BTN1A1: variants seen among roughly 807,000 people sequenced by gnomAD.
BTN1A1 encodes the protein butyrophilin subfamily 1 member A1.
In BTN1A1, 26 loss-of-function variants were observed where a neutral mutation model predicts 33.1. That is an observed-to-expected ratio of 0.79 (90% CI 0.58 to 1.09). The LOEUF is 1.09. Ranked by LOEUF, BTN1A1 falls within the 50% of genes least tolerant of loss-of-function variation. The pLI is 0.00. For missense variants in BTN1A1, 558 were observed against 655.7 expected, an observed-to-expected ratio of 0.85 and a Z score of 1.63; for synonymous variants, 235 against 256.2, an observed-to-expected ratio of 0.92 and a Z score of 0.79.
intron 6 of BTN1A1, 38 bp downstream of exon 6, chr6:26,508,008 TTC>T (rs759543418): frequency 6.2e-7 from 1 of 1,613,414 alleles, no homozygotes; most frequent in South Asian, 1.1e-5. Flanking sequence ...CCACAGAGTT[TTC>T]TCTCTCTTAT....
chr6:26,505,500 C>T (rs547201203), intron 4 of BTN1A1, among the ~76,000 whole-genome samples: 2 of 152,348 alleles, frequency 1.3e-5, no homozygotes, highest in East Asian at 1.9e-4. Flanking sequence ...TCTCAGCTCA[C>T]TGCAAGCTCC....
intron 7 of BTN1A1, 45 bp downstream of exon 7, chr6:26,508,132 T>G: frequency 6.4e-7 from 1 of 1,560,758 alleles, no homozygotes; most frequent in Non-Finnish European, 8.7e-7. Flanking sequence ...CTCTATCCCC[T>G]AGGAATTCAA....
At position 26,503,713 on chromosome 6, in the gene BTN1A1, C is replaced by T. The variant is rs552508449; in HGVS notation, c.428-1212C>T. Among the ~76,000 whole-genome samples the T allele has an allele frequency of 2.3e-3, 351 of 150,398 alleles. 2 individuals are homozygous for T. Among genetic ancestry groups the T allele is most frequent in the African/African-American group, 8.2e-3 (336 of 40,994 alleles). On this transcript the variant is annotated intron_variant, in intron 3 of 7. Coordinates refer to ENST00000684113, the MANE Select transcript of BTN1A1 (RefSeq NM_001732.3). ...AAGTAAATATAAAGTTTGAAAAATA[C>T]TTGGGTGAAATGTGGGTCCCTGCTT...
chr6:26,502,444 G>A (rs765607268), intron 3 of BTN1A1, among the ~76,000 whole-genome samples: 13 of 152,226 alleles, frequency 8.5e-5, no homozygotes, highest in Non-Finnish European at 1.3e-4. Flanking sequence ...CCCCTGATTA[G>A]GACTCCACAG....
chr6:26,506,884 G>A (rs1763878107), intron 5 of BTN1A1, 52 bp downstream of exon 5: 2 of 1,595,146 alleles, frequency 1.3e-6, no homozygotes, highest in Non-Finnish European at 1.7e-6. Flanking sequence ...TCAGAGGCAG[G>A]CTGGATCCAA....
intron 3 of BTN1A1, 124 bp downstream of exon 3, chr6:26,502,061 G>A (rs1252826790): frequency 4.5e-6 from 6 of 1,338,656 alleles, no homozygotes; most frequent in Non-Finnish European, 4.8e-6. Context: ...TGTCGCCGGG[G>A]AGGGACGACT....
In BTN1A1 at chr6:26,506,850, C is replaced by T; in HGVS notation, c.859+18C>T. ...CTCTAAAGGTAAACCATAGAATCCA[C>T]AAGGGCTACGTGTCAGGAGTGCTTC... On this transcript the variant is annotated intron_variant, in intron 5 of 7. Transcript: ENST00000684113. 1.9e-6 allele frequency: 3 copies of T among 1,613,470 alleles called. No homozygotes were observed. The highest frequency in any genetic ancestry group is 2.5e-6 in the Non-Finnish European group (3 of 1,179,604).
intron 5 of BTN1A1, 43 bp downstream of exon 5, chr6:26,506,875 C>A: frequency 6.2e-7 from 1 of 1,604,076 alleles, no homozygotes; most frequent in Non-Finnish European, 8.5e-7. Context: ...AGGAGTGCTT[C>A]AGAGGCAGGC....
intron 5 of BTN1A1, among the ~76,000 whole-genome samples, chr6:26,507,055 G>T (rs537832555): frequency 1.1e-4 from 16 of 151,996 alleles, no homozygotes; most frequent in Admixed American, 4.6e-4. Context: ...ACTCCATCTC[G>T]ACTAAAAATA....
rs374538881 is a variant in BTN1A1 at position 26,503,250 on chromosome 6, A to G, written c.427+1313A>G. Among the ~76,000 whole-genome samples, 171 of 152,194 alleles carry G rather than the reference A, an allele frequency of 1.1e-3. 5 individuals carry two copies. In the South Asian group the frequency reaches 0.031, roughly 28 times the overall value. On this transcript the variant is annotated intron_variant, in intron 3 of 7. Coordinates refer to ENST00000684113, the MANE Select transcript of BTN1A1 (RefSeq NM_001732.3). The stretch of plus-strand genomic sequence containing the variant: ...TGTAATCCCAGCATTTTGGGAGGCC[A>G]AGGCGGGTGACTCACTTTTGATCAG...
Position 26,505,094 on chromosome 6 carries a change from G to T in BTN1A1, c.597G>T (p.Leu199Phe), listed in dbSNP as rs1210993485. The change falls in exon 4 of 8, where the codon TTG becomes TTT. Residue 199 changes from leucine (L) to phenylalanine (F), a missense_variant. Physicochemically the swap from Leu to Phe is conservative, Grantham distance 22. Transcript: ENST00000684113. Reference sequence around the variant, plus strand: ...CCAGGAATCCTGATGAAGAAGGTTTGTTCACTGTGGCTGCTTCAGTGATCA... The same window carrying T: ...CCAGGAATCCTGATGAAGAAGGTTTTTTCACTGTGGCTGCTTCAGTGATCA... Reference protein sequence around the residue: ...SESRNPDEEGLFTVAASVIIR... With the variant: ...SESRNPDEEGFFTVAASVIIR... 1 of 1,614,120 alleles carries T rather than the reference G, an allele frequency of 6.2e-7. No individual in the cohort carries two copies. The highest frequency in any genetic ancestry group is 1.7e-5 in the Admixed American group (1 of 60,008).
Position 26,504,994 on chromosome 6 carries a change from C to T in BTN1A1, c.497C>T (p.Ser166Leu), listed in dbSNP as rs756518488. 2.5e-6 allele frequency: 4 copies of T among 1,614,014 alleles called. No homozygotes were observed. Among genetic ancestry groups the T allele is most frequent in the Non-Finnish European group, 2.5e-6 (3 of 1,179,994 alleles). Residue 166 changes from serine to leucine, a missense_variant, in exon 4 of 8, where the codon TCA becomes TTA. Physicochemically the swap from Ser to Leu is moderately radical, Grantham distance 145. Transcript: ENST00000684113. Reference sequence around the variant, plus strand: ...GGAGAAATCTGTCTGGAGTGCACCTCAGTGGGATGGTACCCAGAGCCCCAG... The same window carrying T: ...GGAGAAATCTGTCTGGAGTGCACCTTAGTGGGATGGTACCCAGAGCCCCAG... ...ENGEICLECTSVGWYPEPQVQ... is the reference protein window; with the variant it reads ...ENGEICLECTLVGWYPEPQVQ...
rs368745807 is a variant in BTN1A1 at position 26,501,394 on chromosome 6, T to C, written c.79+29T>C. ...AGTCTCTCTCTCTCTCTGGGCTGCA[T>C]AGTTGAAATATATCAATAAATGTAA... On this transcript the variant is annotated intron_variant, in intron 2 of 7. Transcript: ENST00000684113. The surrounding 1 kb of genome is among the most constrained non-coding windows in gnomAD (Gnocchi z 5.2). 4 of 1,597,700 alleles carry C rather than the reference T, an allele frequency of 2.5e-6. No homozygotes were observed. The highest frequency in any genetic ancestry group is 1.1e-5 in the South Asian group (1 of 90,742).
chr6:26,508,855 G>A lies in BTN1A1; in HGVS notation c.1262G>A (p.Arg421Gln), dbSNP rs369973508. Residue 421 changes from arginine (R) to glutamine (Q), a missense_variant, in exon 8 of 8, where the codon CGG becomes CAG. By Grantham distance (43) the Arg-to-Gln change is conservative. Coordinates refer to ENST00000684113, the MANE Select transcript of BTN1A1 (RefSeq NM_001732.3). ...TPLPLAGPPRRVGIFLDYESG... is the reference protein window; with the variant it reads ...TPLPLAGPPRQVGIFLDYESG... ...CTCCCATTGGCAGGGCCCCCACGCC[G>A]GGTTGGGATTTTCCTAGACTATGAA... The A allele has an allele frequency of 6.1e-5, 99 of 1,614,146 alleles. No individual in the cohort carries two copies. The highest frequency in any genetic ancestry group is 4.5e-4 in the East Asian group (20 of 44,878).
At chr6:26,503,653 A>G (rs531823670) in intron 3 of BTN1A1, among the ~76,000 whole-genome samples, 32 of 148,708 alleles carry the variant, frequency 2.2e-4, no homozygotes, top group South Asian at 1.3e-3. Flanking sequence ...ATCTATATGC[A>G]TATATTATAT....
rs558567774 is a variant in BTN1A1 at position 26,510,358 on chromosome 6, C to T, written c.*1184C>T. ...TTATACCTTCCATTTCCATCGTATT[C>T]TCCAGTTTCCAGGATAGACGTTGCT... On this transcript the variant is annotated 3_prime_UTR_variant, in exon 8 of 8. Coordinates refer to ENST00000684113, the MANE Select transcript of BTN1A1 (RefSeq NM_001732.3). The T allele has an allele frequency of 6.6e-6, 1 of 152,380 alleles. No individual in the cohort carries two copies. The allele number at this position is 152,380 out of a possible 1,614,324, so 9.4% of individuals were successfully genotyped here.
chr6:26,504,390 C>G (rs1763843681), intron 3 of BTN1A1, among the ~76,000 whole-genome samples: 2 of 151,974 alleles, frequency 1.3e-5, no homozygotes, highest in South Asian at 4.1e-4. Context: ...GCCCACCAAA[C>G]TGCTGCAAAC....
At chr6:26,507,187 C>T (rs1763881913) in intron 5 of BTN1A1, among the ~76,000 whole-genome samples, 1 of 152,110 alleles carries the variant, frequency 6.6e-6, no homozygotes, top group Non-Finnish European at 1.5e-5. Context: ...TGCCATTGCA[C>T]TCTAGCCTGA....
Position 26,509,507 on chromosome 6 carries a change from T to C in BTN1A1, c.*333T>C, listed in dbSNP as rs7745700. On this transcript the variant is annotated 3_prime_UTR_variant, in exon 8 of 8. Transcript: ENST00000684113. The stretch of plus-strand genomic sequence containing the variant: ...GGGTCAGGTTAGCATGGGGTTGTGG[T>C]TGAAATATCTTGGTATCCAGGATAA... 2.8e-5 allele frequency: 6 copies of C among 213,612 alleles called. No homozygotes were observed. The highest frequency in any genetic ancestry group is 3.7e-5 in the Non-Finnish European group (4 of 108,178). 13.2% of individuals were successfully genotyped at this position (213,612 alleles called of 1,614,324 possible).
Sources: allele counts gnomAD v4.1 joint callset (sites outside exome capture counted in the v4.1 genomes callset), GRCh38; gene constraint gnomAD v4.1.1; non-coding constraint Gnocchi (gnomAD v3.1); transcripts MANE v1.5; gene names NCBI Gene and HGNC (gene_info 2026-07-23, HGNC 2026-07-21).